Variants in VSIG10L observed in about 807,000 individuals in gnomAD.
VSIG10L encodes V-set and immunoglobulin domain-containing protein 10-like.
In VSIG10L, 63 loss-of-function variants were observed where a neutral mutation model predicts 67.3. The observed-to-expected ratio is 0.94, with a 90% CI of 0.76 to 1.15. The LOEUF is 1.15. VSIG10L is among the 50% of genes most tolerant of loss of function. The pLI is 0.00. For missense variants in VSIG10L, 1,050 were observed against 1,177.5 expected (o/e 0.89, Z 1.58); for synonymous variants, 499 against 524.9 (o/e 0.95, Z 0.67).
At chr19:51,334,517 G>A (rs1985436897) in intron 7 of VSIG10L, among the ~76,000 whole-genome samples, 1 of 152,206 alleles carries the variant, frequency 6.6e-6, no homozygotes, top group African/African-American at 2.4e-5. Flanking sequence ...CAGGTAGTGA[G>A]GATTCATTCG....
In VSIG10L at chr19:51,340,155, G is replaced by T; in HGVS notation, c.1334C>A (p.Pro445Gln). The change falls in exon 4 of 10, where the codon CCG becomes CAG. Residue 445 changes from proline (P) to glutamine (Q), a missense_variant. Physicochemically the swap from Pro to Gln is moderately conservative, Grantham distance 76. Coordinates refer to ENST00000335624, the MANE Select transcript of VSIG10L (RefSeq NM_001163922.3). This position sits in a 1 kb window ranked among gnomAD's most constrained non-coding sequence, Gnocchi z 6.3. ...CCCCGCGGGCACCGCGGCCTCGGCC[G>T]GGTCCGCCAGGCTCCACGTGATGTC... The part of the protein sequence containing the change: ...PADITWSLAD[P>Q]AEAAVPAGSR... 1 of 1,352,568 alleles carries T rather than the reference G, an allele frequency of 7.4e-7. No individual in the cohort carries two copies. Among genetic ancestry groups the T allele is most frequent in the Non-Finnish European group, 9.5e-7 (1 of 1,057,224 alleles). 83.8% of individuals were successfully genotyped at this position (1,352,568 alleles called of 1,614,324 possible).
At chr19:51,338,810 C>G (rs957821610) in intron 5 of VSIG10L, 78 bp downstream of exon 5, 49 of 1,333,744 alleles carry the variant, frequency 3.7e-5, no homozygotes, top group Non-Finnish European at 4.6e-5. Context: ...CCCCATACCC[C>G]TTCAGAATTT....
In VSIG10L at chr19:51,341,816, A is replaced by T. The variant is rs141732375; in HGVS notation, c.232T>A (p.Ser78Thr). The T allele has an allele frequency of 6.7e-3, 10,455 of 1,551,516 alleles. 83 individuals are homozygous for T. The highest frequency in any genetic ancestry group is 0.042 in the East Asian group (1,736 of 40,912). The change falls in exon 2 of 10, where the codon TCC (serine) becomes ACC (threonine). Residue 78 changes from serine (S) to threonine (T), a missense_variant. Ser to Thr is a moderately conservative substitution (Grantham distance 58, BLOSUM62 1). Coordinates refer to ENST00000335624, the MANE Select transcript of VSIG10L (RefSeq NM_001163922.3). ...DSKASAGISD[S>T]SWFPEALSSN... is the part of the protein sequence containing the mutation. ...CTCAGGGCCTCAGGAAACCAGCTGG[A>T]ATCAGAGATTCCAGCAGAGGCTTTT...
At position 51,338,951 on chromosome 19, in the gene VSIG10L, C is replaced by T; in HGVS notation, c.1666G>A (p.Gly556Ser). The change falls in exon 5 of 10, where the codon GGC becomes AGC. Residue 556 changes from glycine to serine, a missense_variant. Physicochemically the swap from Gly to Ser is moderately conservative, Grantham distance 56. Transcript: ENST00000335624. Reference protein sequence around the residue: ...AAVPAHPRLSGVPITCLARHL... With the variant: ...AAVPAHPRLSSVPITCLARHL... ...CGAGCAAGGCAGGTGATGGGGACGC[C>T]GCTGAGCCGGGGGTGGGCGGGGACG... 7.0e-7 allele frequency: 1 copy of T among 1,430,758 alleles called. No individual in the cohort carries two copies. Among genetic ancestry groups the T allele is most frequent in the Non-Finnish European group, 9.2e-7 (1 of 1,084,766 alleles). The allele number at this position is 1,430,758 out of a possible 1,614,324, so 88.6% of individuals were successfully genotyped here.
At position 51,341,203 on chromosome 19, in the gene VSIG10L, A is replaced by G. The variant is rs1985626802; in HGVS notation, c.845T>C (p.Ile282Thr). The G allele has an allele frequency of 6.5e-7, 1 of 1,544,928 alleles. No individual in the cohort carries two copies. Among genetic ancestry groups the G allele is most frequent in the South Asian group, 1.2e-5 (1 of 83,662 alleles). ...AGTCTGCTGGGAGACCCCTGCCCGG[A>G]TGACCTCAGCCGTGTAGACCCCTGC... is the stretch of plus-strand genomic sequence containing the variant. ...DDAGVYTAEV[I>T]RAGVSQQTHE... The change falls in exon 2 of 10, where the codon ATC (isoleucine) becomes ACC (threonine). Residue 282 changes from isoleucine to threonine, a missense_variant. Ile to Thr is a moderately conservative substitution (Grantham distance 89). This residue lies in a region of VSIG10L where 511 missense variants were observed against 557.9 expected (regional missense o/e 0.92). Transcript: ENST00000335624.
chr19:51,333,996 A>G (rs1327128739), intron 8 of VSIG10L, 51 bp from the exon 9 acceptor site: 5 of 1,547,066 alleles, frequency 3.2e-6, no homozygotes, highest in Non-Finnish European at 4.4e-6. Context: ...CTGCCCCAAC[A>G]TGCCAACCCA....
At position 51,337,357 on chromosome 19, in the gene VSIG10L, T is replaced by TG; in HGVS notation, c.2185dup (p.Gln729ProfsTer83). 6.4e-7 allele frequency: 1 copy of TG among 1,551,590 alleles called. No individual in the cohort carries two copies. ...AAGGGGCACCACGGCTGACCGCTCC[T>TG]GAGGCCCCAGGATGAGCAGGGAGAC... is the stretch of plus-strand genomic sequence containing the variant. On this transcript the variant is annotated frameshift_variant, in exon 7 of 10. Coordinates refer to ENST00000335624, the MANE Select transcript of VSIG10L (RefSeq NM_001163922.3). LOFTEE classifies it high-confidence loss of function.
At chr19:51,336,881 C>T (rs536454315) in intron 7 of VSIG10L, among the ~76,000 whole-genome samples, 1 of 150,776 alleles carries the variant, frequency 6.6e-6, no homozygotes, top group Non-Finnish European at 1.5e-5. Flanking sequence ...ATTCTCCTGC[C>T]TCAGCCTCCC....
At chr19:51,333,064 G>C (rs981615669) in intron 9 of VSIG10L, among the ~76,000 whole-genome samples, 1 of 152,048 alleles carries the variant, frequency 6.6e-6, no homozygotes. Context: ...TGCCCAAGCT[G>C]GTATCGAACT....
rs1276200566 is a variant in VSIG10L at position 51,337,287 on chromosome 19, G to C, written c.2256C>G (p.Ile752Met). The change falls in exon 7 of 10, where the codon ATC (isoleucine) becomes ATG (methionine). Residue 752 changes from isoleucine to methionine, a missense_variant. Ile to Met is a conservative substitution (Grantham distance 10). Around this residue, in one of 3 missense-constraint regions of VSIG10L, gnomAD observed 529 missense variants for 584.9 expected, o/e 0.90. Transcript: ENST00000335624. ...PGTWTFRILP[I>M]LGGQPGTPSQ... ...ATGGAGTCCCTGGCTGGCCCCCCAG[G>C]ATGGGCAGGATCCGAAAGGTCCAGG... The C allele has an allele frequency of 1.3e-6, 2 of 1,551,286 alleles. No individual in the cohort carries two copies. Among genetic ancestry groups the C allele is most frequent in the East Asian group, 4.9e-5 (2 of 40,894 alleles).
At position 51,338,900 on chromosome 19, in the gene VSIG10L, T is replaced by A; in HGVS notation, c.1717A>T (p.Thr573Ser). 1 of 1,435,912 alleles carries A rather than the reference T, an allele frequency of 7.0e-7. No homozygotes were observed. The highest frequency in any genetic ancestry group is 9.2e-7 in the Non-Finnish European group (1 of 1,091,222). The allele number at this position is 1,435,912 out of a possible 1,614,324, so 88.9% of individuals were successfully genotyped here. Residue 573 changes from threonine (T) to serine (S), a missense_variant, in exon 5 of 10, where the codon ACA becomes TCA. Physicochemically the swap from Thr to Ser is moderately conservative, Grantham distance 58 (BLOSUM62 1). Around this residue, in one of 3 missense-constraint regions of VSIG10L, gnomAD observed 529 missense variants for 584.9 expected, o/e 0.90. Coordinates refer to ENST00000335624, the MANE Select transcript of VSIG10L (RefSeq NM_001163922.3). ...ARHLVATRTC[T>S]VTPEAPREVL... ...CGCGCCCTCTCACCCGGCGTGACTG[T>A]GCAGGTACGCGTGGCCACCAGGTGG...
chr19:51,333,859 C>T lies in VSIG10L; in HGVS notation c.2506G>A (p.Val836Met). ...AGGTCCAGAGGCCATGAAATCTCCA[C>T]TGGGGTCACACTATGCATCTTCTTT... ...SEKKMHSVTPVEISWPLDLKV... is the reference protein window; with the variant it reads ...SEKKMHSVTPMEISWPLDLKV... Residue 836 changes from valine (V) to methionine (M), a missense_variant, in exon 9 of 10, where the codon GTG becomes ATG. This residue lies in a region of VSIG10L where 529 missense variants were observed against 584.9 expected (regional missense o/e 0.90). Coordinates refer to ENST00000335624, the MANE Select transcript of VSIG10L (RefSeq NM_001163922.3). 5 of 1,551,726 alleles carry T rather than the reference C, an allele frequency of 3.2e-6. No individual in the cohort carries two copies. The highest frequency in any genetic ancestry group is 4.4e-6 in the Non-Finnish European group (5 of 1,147,012).
rs1481536839 is a variant in VSIG10L, at chr19:51,338,048, G to A, written c.1890C>T (p.Leu630=). ...LAPGGGSRLR[L]SQDGRKLHIG... Reference sequence around the variant, plus strand: ...TGTGGAGTTTCCGCCCATCTTGACTGAGCCGCAGGCGACTCCCGCCTCCTG... The same window carrying A: ...TGTGGAGTTTCCGCCCATCTTGACTAAGCCGCAGGCGACTCCCGCCTCCTG... The change falls in exon 6 of 10, where the codon CTC becomes CTT. Residue 630 remains leucine (L), a synonymous_variant. Transcript: ENST00000335624. 2 of 1,551,528 alleles carry A rather than the reference G, an allele frequency of 1.3e-6. No homozygotes were observed. The highest frequency in any genetic ancestry group is 1.4e-5 in the African/African-American group (1 of 73,024).
chr19:51,338,200 G>T lies in VSIG10L; in HGVS notation c.1738C>A (p.Arg580=). ...RTCTVTPEAP[R]EVLLHPLVAE... ...ACCAGCGGATGCAGCAGCACCTCTC[G>T]GGGGGCCTCTGCCGGTGGGAGAAGT... is the stretch of plus-strand genomic sequence containing the variant. The change falls in exon 6 of 10, where the codon CGA becomes AGA. Residue 580 remains arginine (R), a synonymous_variant. Coordinates refer to ENST00000335624, the MANE Select transcript of VSIG10L (RefSeq NM_001163922.3). 8 of 1,468,138 alleles carry T rather than the reference G, an allele frequency of 5.4e-6. No individual in the cohort carries two copies. Among genetic ancestry groups the T allele is most frequent in the Non-Finnish European group, 7.2e-6 (8 of 1,108,192 alleles). The allele number at this position is 1,468,138 out of a possible 1,614,324, so 90.9% of individuals were successfully genotyped here. A position where few individuals can be genotyped will look rare whatever the true frequency, so the allele number is the denominator to read the frequency against.
chr19:51,336,916 G>A (rs375839414), intron 7 of VSIG10L, among the ~76,000 whole-genome samples: 5 of 152,020 alleles, frequency 3.3e-5, no homozygotes, highest in African/African-American at 4.8e-5. Flanking sequence ...ACAGGCGCCC[G>A]CCACCGCGCC....
chr19:51,334,399 G>T, intron 7 of VSIG10L, 95 bp from the exon 8 acceptor site: 1 of 1,083,958 alleles, frequency 9.2e-7, no homozygotes, highest in Non-Finnish European at 1.3e-6. Flanking sequence ...GGACCCAGGA[G>T]TCCGGCCCCC....
intron 4 of VSIG10L, 84 bp from the exon 5 acceptor site, chr19:51,339,226 C>G (rs1268299216): frequency 1.0e-5 from 13 of 1,249,444 alleles, no homozygotes; most frequent in Non-Finnish European, 2.0e-6. Flanking sequence ...TGACTCCACC[C>G]TTCTTCACTA....
At chr19:51,338,770 G>C (rs546265032) in intron 5 of VSIG10L, 118 bp downstream of exon 5, 3 of 1,177,850 alleles carry the variant, frequency 2.5e-6, no homozygotes, top group Admixed American at 4.1e-5. Flanking sequence ...AGACAGTGAA[G>C]TCCTGCCTCT....
rs934035793 is a variant in VSIG10L, at chr19:51,331,903, T to C, written c.*708A>G. On this transcript the variant is annotated 3_prime_UTR_variant, in exon 10 of 10. Transcript: ENST00000335624. ...GACTAAGGGAGGGGTAAGGGAACGG[T>C]CGTCTAAGATGGTAACTGCTACTCT... 6.6e-6 allele frequency: 1 copy of C among 152,266 alleles called. No homozygotes were observed. The highest frequency in any genetic ancestry group is 1.5e-5 in the Non-Finnish European group (1 of 68,104). The allele number at this position is 152,266 out of a possible 1,614,324, so 9.4% of individuals were successfully genotyped here.
Sources: allele counts gnomAD v4.1 joint callset (sites outside exome capture counted in the v4.1 genomes callset), GRCh38; gene constraint gnomAD v4.1.1; regional missense constraint gnomAD v4.1.1; non-coding constraint Gnocchi (gnomAD v3.1); transcripts MANE v1.5; gene names NCBI Gene and HGNC (gene_info 2026-07-23, HGNC 2026-07-21).